Variants in HEYL observed in about 807,000 individuals in gnomAD.
The protein encoded by HEYL is hairy/enhancer-of-split related with YRPW motif-like protein.
Under a neutral mutation model 18.6 loss-of-function variants are expected in HEYL, and 12 were observed. The observed-to-expected ratio is 0.65, with a 90% CI of 0.41 to 1.05. HEYL has a LOEUF of 1.05. Among genes scored for constraint, HEYL ranks in the 50% least tolerant of loss-of-function variants. HEYL has a pLI of 0.00. For missense variants in HEYL, 420 were observed against 444.7 expected, an observed-to-expected ratio of 0.94 and a Z score of 0.50; for synonymous variants, 159 against 179.6, an observed-to-expected ratio of 0.89 and a Z score of 0.91.
At chr1:39,639,182 G>A (rs1023115778) in intron 1 of HEYL, among the ~76,000 whole-genome samples, 1 of 152,140 alleles carries the variant, frequency 6.6e-6, no homozygotes, top group Non-Finnish European at 1.5e-5. Context: ...CCAGACAGGG[G>A]CCAGAGTACC....
chr1:39,626,139 G>T lies in HEYL; in HGVS notation c.*368C>A. On this transcript the variant is annotated 3_prime_UTR_variant, in exon 5 of 5. Transcript: ENST00000372852. ...ACCGCCCCAAGGAACAGCCTGCCTT[G>T]GGTCCTGGTGCCCTGCAGGTTAAAG... The T allele has an allele frequency of 5.2e-6, 1 of 194,078 alleles. No individual in the cohort carries two copies. Among genetic ancestry groups the T allele is most frequent in the East Asian group, 1.2e-4 (1 of 8,014 alleles). The allele number at this position is 194,078 out of a possible 1,614,324, so 12.0% of individuals were successfully genotyped here. A position where few individuals can be genotyped will look rare whatever the true frequency, so the allele number is the denominator to read the frequency against.
Position 39,626,931 on chromosome 1 carries a change from G to A in HEYL, c.563C>T (p.Ala188Val), listed in dbSNP as rs140829574. 627 of 1,612,950 alleles carry A rather than the reference G, an allele frequency of 3.9e-4. 6 individuals carry two copies. The highest frequency in any genetic ancestry group is 1.7e-4 in the Middle Eastern group (1 of 6,058). Reference protein sequence around the residue: ...SFFHSCPGLPALSNQLAILGR... With the variant: ...SFFHSCPGLPVLSNQLAILGR... ...CAGGATGGCGAGCTGGTTGCTCAGG[G>A]CTGGCAGCCCTGGACAGCTATGGAA... The change falls in exon 5 of 5, where the codon GCC (alanine) becomes GTC (valine). Residue 188 changes from alanine (A) to valine (V), a missense_variant. Ala to Val is a moderately conservative substitution (Grantham distance 64). Coordinates refer to ENST00000372852, the MANE Select transcript of HEYL (RefSeq NM_014571.4).
chr1:39,629,692 C>T (rs542915546), intron 4 of HEYL, among the ~76,000 whole-genome samples: 1 of 152,300 alleles, frequency 6.6e-6, no homozygotes, highest in South Asian at 2.1e-4. Flanking sequence ...GTCTTTAAAG[C>T]CACTGTTCCC....
intron 3 of HEYL, 58 bp downstream of exon 3, chr1:39,631,438 G>C: frequency 1.4e-6 from 2 of 1,476,654 alleles, no homozygotes; most frequent in Non-Finnish European, 1.9e-6. Flanking sequence ...CATGAGAAAC[G>C]AACCTTATCT....
intron 4 of HEYL, 37 bp downstream of exon 4, chr1:39,630,190 T>G: frequency 6.4e-7 from 1 of 1,569,922 alleles, no homozygotes; most frequent in Non-Finnish European, 8.8e-7. Context: ...AAATATTTGT[T>G]GTATGAATGA....
Position 39,626,363 on chromosome 1 carries a change from G to A in HEYL, c.*144C>T, listed in dbSNP as rs2124103506. The A allele has an allele frequency of 1.5e-6, 1 of 673,186 alleles. No homozygotes were observed. The highest frequency in any genetic ancestry group is 2.9e-5 in the East Asian group (1 of 33,994). The allele number at this position is 673,186 out of a possible 1,614,324, so 41.7% of individuals were successfully genotyped here. A position where few individuals can be genotyped will look rare whatever the true frequency, so the allele number is the denominator to read the frequency against. ...AGTGAGAAGGAGAGATGGGTTGGAGGAGGAGGGGGCCTCTGATGGCTGGAG... is the reference window on the plus strand; with the variant it reads ...AGTGAGAAGGAGAGATGGGTTGGAGAAGGAGGGGGCCTCTGATGGCTGGAG... On this transcript the variant is annotated 3_prime_UTR_variant, in exon 5 of 5. Coordinates refer to ENST00000372852, the MANE Select transcript of HEYL (RefSeq NM_014571.4).
chr1:39,630,312 C>T lies in HEYL; in HGVS notation c.232-4G>A, dbSNP rs760837071. ...CTTTCTCCAGCTTGGAAGAGCCCTG[C>T]GGGTACAGAAGACAGAAGGGTGGAG... On this transcript the variant is annotated splice_polypyrimidine_tract_variant and splice_region_variant and intron_variant, in intron 3 of 4. Coordinates refer to ENST00000372852, the MANE Select transcript of HEYL (RefSeq NM_014571.4). 1.4e-5 allele frequency: 23 copies of T among 1,613,088 alleles called. No homozygotes were observed. The highest frequency in any genetic ancestry group is 2.2e-5 in the South Asian group (2 of 91,056).
At chr1:39,638,936 C>A (rs1646373550) in intron 1 of HEYL, among the ~76,000 whole-genome samples, 1 of 152,172 alleles carries the variant, frequency 6.6e-6, no homozygotes, top group African/African-American at 2.4e-5. Context: ...CTACCAGGAG[C>A]TGAAAGACAC....
intron 3 of HEYL, 145 bp downstream of exon 3, chr1:39,631,351 T>G: frequency 1.5e-6 from 1 of 681,942 alleles, no homozygotes; most frequent in Middle Eastern, 4.0e-4. Context: ...TTTCCATTCC[T>G]TTTACCCTGG....
At chr1:39,631,847 A>G (rs1261084036) in intron 2 of HEYL, among the ~76,000 whole-genome samples, 1 of 152,218 alleles carries the variant, frequency 6.6e-6, no homozygotes, top group African/African-American at 2.4e-5. Flanking sequence ...CCACTGGTAC[A>G]GCAGGGCACA....
intron 1 of HEYL, among the ~76,000 whole-genome samples, chr1:39,637,796 T>A (rs571442682): frequency 6.6e-6 from 1 of 152,328 alleles, no homozygotes; most frequent in Admixed American, 6.5e-5. Context: ...CAAGAAGCCC[T>A]CCTTGCCATC....
At chr1:39,628,785 G>A (rs1047436755) in intron 4 of HEYL, among the ~76,000 whole-genome samples, 7 of 151,616 alleles carry the variant, frequency 4.6e-5, no homozygotes, top group African/African-American at 1.7e-4. Context: ...TGTATTTTTA[G>A]TAGAGATGGG....
chr1:39,624,222 G>A lies in HEYL; in HGVS notation c.*2285C>T, dbSNP rs973291099. 12 of 152,248 alleles carry A rather than the reference G, an allele frequency of 7.9e-5. No homozygotes were observed. The highest frequency in any genetic ancestry group is 2.2e-4 in the African/African-American group (9 of 41,448). 9.4% of individuals were successfully genotyped at this position (152,248 alleles called of 1,614,324 possible). On this transcript the variant is annotated 3_prime_UTR_variant, in exon 5 of 5. Coordinates refer to ENST00000372852, the MANE Select transcript of HEYL (RefSeq NM_014571.4). ...CCCATGCAATGGGGTAGGAGTTGGA[G>A]ACACCAGGAAGGCTTGGGGATAGAA... is the stretch of plus-strand genomic sequence containing the variant.
Position 39,626,734 on chromosome 1 carries a change from G to T in HEYL, c.760C>A (p.Pro254Thr). The T allele has an allele frequency of 6.6e-7, 1 of 1,513,632 alleles. No homozygotes were observed. Among genetic ancestry groups the T allele is most frequent in the African/African-American group, 1.4e-5 (1 of 72,472 alleles). 93.8% of individuals were successfully genotyped at this position (1,513,632 alleles called of 1,614,324 possible). ...STRRARPLERPATPVPVAPSS... is the reference protein window; with the variant it reads ...STRRARPLERTATPVPVAPSS... Reference sequence around the variant, plus strand: ...GGGGCGACAGGCACAGGGGTCGCTGGCCTCTCTAGGGGGCGGGCCCTCCGG... The same window carrying T: ...GGGGCGACAGGCACAGGGGTCGCTGTCCTCTCTAGGGGGCGGGCCCTCCGG... Residue 254 changes from proline (P) to threonine (T), a missense_variant, in exon 5 of 5, where the codon CCA (proline) becomes ACA (threonine). Physicochemically the swap from Pro to Thr is conservative, Grantham distance 38. Transcript: ENST00000372852.
rs538584358 is a variant in HEYL, at chr1:39,638,581, G to A, written c.80+965C>T. On this transcript the variant is annotated intron_variant, in intron 1 of 4. Transcript: ENST00000372852. ...CCACTGCTGTCTTTGTTTTACTGATGGGGAAACTGATGACAGACTCTGTCA... is the reference window on the plus strand; with the variant it reads ...CCACTGCTGTCTTTGTTTTACTGATAGGGAAACTGATGACAGACTCTGTCA... 9.2e-5 allele frequency among the ~76,000 whole-genome samples: 14 copies of A among 152,320 alleles called. No homozygotes were observed. The South Asian group carries it at 1.7e-3, about 18-fold the overall frequency.
In HEYL at chr1:39,631,202, G is replaced by A. The variant is rs150766405; in HGVS notation, c.231+294C>T. ...CTATTTACTAGCTGCGTGATCTGGT[G>A]TAAGTTACTTCACCTCTCTGTGCTT... On this transcript the variant is annotated intron_variant, in intron 3 of 4. Coordinates refer to ENST00000372852, the MANE Select transcript of HEYL (RefSeq NM_014571.4). Among the ~76,000 whole-genome samples the A allele has an allele frequency of 1.7e-4, 26 of 152,344 alleles. 1 individual carries two copies. In the East Asian group the frequency reaches 4.8e-3, roughly 28 times the overall value.
At chr1:39,628,333 G>A (rs1646312076) in intron 4 of HEYL, among the ~76,000 whole-genome samples, 1 of 152,082 alleles carries the variant, frequency 6.6e-6, no homozygotes, top group Non-Finnish European at 1.5e-5. Context: ...AGGCTGGAGT[G>A]CAGTGGCACG....
chr1:39,631,790 T>G (rs1463246690), intron 2 of HEYL, among the ~76,000 whole-genome samples: 1 of 152,194 alleles, frequency 6.6e-6, no homozygotes, highest in East Asian at 1.9e-4. Flanking sequence ...GGAGTACAAC[T>G]CAGATCTCTT....
intron 1 of HEYL, chr1:39,633,672 C>T (rs190072756): frequency 1.8e-4 from 28 of 152,456 alleles, no homozygotes; most frequent in African/African-American, 6.5e-4. Context: ...AACAAGGTGA[C>T]TCCCCTGCCG....
Sources: allele counts gnomAD v4.1 joint callset (sites outside exome capture counted in the v4.1 genomes callset), GRCh38; gene constraint gnomAD v4.1.1; transcripts MANE v1.5; gene names NCBI Gene and HGNC (gene_info 2026-07-23, HGNC 2026-07-21).